Variants in ESRRG observed in about 807,000 individuals in gnomAD.
The protein encoded by ESRRG is estrogen-related receptor gamma.
Under a neutral mutation model 44.0 loss-of-function variants are expected in ESRRG, and 13 were observed. The ratio of observed to expected loss-of-function variants is 0.30; its 90% CI spans 0.19 to 0.47. The LOEUF (loss-of-function observed/expected upper bound fraction) is 0.47. Ranked by LOEUF, ESRRG falls within the 20% of genes least tolerant of loss-of-function variation. ESRRG has a pLI of 1.00. For synonymous variants in ESRRG, 215 were observed against 214.6 expected, an observed-to-expected ratio of 1.00 and a Z score of -0.02; for missense variants, 395 against 580.6, an observed-to-expected ratio of 0.68 and a Z score of 3.29.
chr1:216,790,052 T>C (rs1474777822), intron 2 of ESRRG, among the ~76,000 whole-genome samples: 1 of 152,148 alleles, frequency 6.6e-6, no homozygotes, highest in Non-Finnish European at 1.5e-5. Context: ...TCTGCCCCTT[T>C]CCTTGGTTAG....
At chr1:216,772,178 T>C (rs541679330) in intron 2 of ESRRG, among the ~76,000 whole-genome samples, 157 of 152,232 alleles carry the variant, frequency 1.0e-3, no homozygotes, top group African/African-American at 3.7e-3. Context: ...CATTCAGATC[T>C]AACAAAACCA....
intron 3 of ESRRG, among the ~76,000 whole-genome samples, chr1:216,619,598 G>A (rs959110629): frequency 3.9e-5 from 6 of 152,096 alleles, no homozygotes; most frequent in Non-Finnish European, 5.9e-5. Flanking sequence ...ATATTGTTAT[G>A]TTCTGAAATA....
chr1:216,720,853 C>T (rs1243893678), intron 1 of ESRRG, among the ~76,000 whole-genome samples: 2 of 152,280 alleles, frequency 1.3e-5, no homozygotes, highest in East Asian at 1.9e-4. Flanking sequence ...GTTCCCTCCT[C>T]GCCTTGTCTG....
At chr1:216,952,753 C>T (rs920894648) in intron 1 of ESRRG, among the ~76,000 whole-genome samples, 1 of 152,096 alleles carries the variant, frequency 6.6e-6, no homozygotes, top group African/African-American at 2.4e-5. Context: ...CTTCCAGAAA[C>T]AGCTCCTATT....
intron 1 of ESRRG, among the ~76,000 whole-genome samples, chr1:216,957,057 A>C (rs1285248583): frequency 6.6e-6 from 1 of 152,340 alleles, no homozygotes; most frequent in Middle Eastern, 3.4e-3. Context: ...GATTCCAAAG[A>C]ATTTAAATGT....
At chr1:216,983,224 G>T (rs779947674) in intron 1 of ESRRG, among the ~76,000 whole-genome samples, 5 of 151,274 alleles carry the variant, frequency 3.3e-5, no homozygotes, top group Non-Finnish European at 5.9e-5. Flanking sequence ...CCAAGACAGT[G>T]GTATTGATTT....
chr1:216,592,494 G>T (rs1288991522), intron 3 of ESRRG, among the ~76,000 whole-genome samples: 1 of 151,670 alleles, frequency 6.6e-6, no homozygotes, highest in East Asian at 1.9e-4. Flanking sequence ...AGATGGTGCT[G>T]TCATCTATCT....
chr1:216,992,320 T>G (rs2075832963), intron 1 of ESRRG, among the ~76,000 whole-genome samples: 3 of 152,234 alleles, frequency 2.0e-5, no homozygotes, highest in Admixed American at 2.0e-4. Context: ...AACATCAAAG[T>G]TAACACTCAA....
At chr1:216,676,119 C>T (rs1439061789) in intron 2 of ESRRG, among the ~76,000 whole-genome samples, 1 of 152,094 alleles carries the variant, frequency 6.6e-6, no homozygotes, top group Non-Finnish European at 1.5e-5. Flanking sequence ...TTTTTTTCTT[C>T]CCCTATTTTC....
chr1:216,566,838 A>C (rs2059766829), intron 4 of ESRRG, among the ~76,000 whole-genome samples: 1 of 152,210 alleles, frequency 6.6e-6, no homozygotes, highest in Non-Finnish European at 1.5e-5. Context: ...GGAAAGGCAA[A>C]AGGAAACTAT....
At chr1:216,617,201 G>A (rs1266950129) in intron 3 of ESRRG, among the ~76,000 whole-genome samples, 3 of 152,082 alleles carry the variant, frequency 2.0e-5, no homozygotes, top group Non-Finnish European at 4.4e-5. Context: ...AACTTCTCAA[G>A]CAACAGAACA....
At chr1:216,783,816 C>G (rs1282471219) in intron 2 of ESRRG, among the ~76,000 whole-genome samples, 1 of 152,046 alleles carries the variant, frequency 6.6e-6, no homozygotes, top group Admixed American at 6.6e-5. Flanking sequence ...ACTCTTCCGA[C>G]GTTTTCAAGG....
intron 5 of ESRRG, among the ~76,000 whole-genome samples, chr1:216,561,229 G>A (rs17611844): frequency 0.031 from 4,662 of 151,996 alleles, 98 homozygotes; most frequent in Middle Eastern, 0.055. Context: ...AAGTACATTC[G>A]AAGCAGCACA....
chr1:217,048,804 T>C (rs1205466291), intron 1 of ESRRG, among the ~76,000 whole-genome samples: 2 of 152,214 alleles, frequency 1.3e-5, no homozygotes, highest in East Asian at 1.9e-4. Flanking sequence ...TGTCTGAGCA[T>C]AGTGTGAGTA....
intron 3 of ESRRG, among the ~76,000 whole-genome samples, chr1:216,622,700 C>T (rs1445417172): frequency 6.6e-6 from 1 of 151,970 alleles, no homozygotes; most frequent in Non-Finnish European, 1.5e-5. Context: ...CAGTGTTCTG[C>T]TTCTTGTAAA....
rs1034208370 is a variant in ESRRG at position 216,855,770 on chromosome 1, C to T, written c.-14+83812G>A. ...GATAAATGCAGCTGCAAAGATCCTG[C>T]GGCTGCCGCATCTGCACGACACGCC... On this transcript the variant is annotated intron_variant, in intron 2 of 7. Transcript: ENST00000359162. Among the ~76,000 whole-genome samples, 9 of 152,252 alleles carry T rather than the reference C, an allele frequency of 5.9e-5. No homozygotes were observed. The East Asian group carries it at 1.5e-3, about 26-fold the overall frequency.
At chr1:216,973,689 G>A (rs984464128) in intron 1 of ESRRG, among the ~76,000 whole-genome samples, 1 of 152,048 alleles carries the variant, frequency 6.6e-6, no homozygotes, top group Non-Finnish European at 1.5e-5. Flanking sequence ...AGCTGGGTGT[G>A]GCGGTACATG....
chr1:216,898,351 CTCACGCCTGTAA>C (rs1283194743), intron 2 of ESRRG, among the ~76,000 whole-genome samples: 1 of 152,168 alleles, frequency 6.6e-6, no homozygotes, highest in Non-Finnish European at 1.5e-5. Flanking sequence ...GGCACGGTGG[CTCACGCCTGTAA>C]TCCCAGCACT....
intron 2 of ESRRG, among the ~76,000 whole-genome samples, chr1:216,748,936 T>C (rs2091720486): frequency 6.6e-6 from 1 of 152,220 alleles, no homozygotes; most frequent in East Asian, 1.9e-4. Flanking sequence ...TCTATGCTTA[T>C]GGGGTGGCAA....
Sources: allele counts gnomAD v4.1 joint callset (sites outside exome capture counted in the v4.1 genomes callset), GRCh38; gene constraint gnomAD v4.1.1; transcripts MANE v1.5; gene names NCBI Gene and HGNC (gene_info 2026-07-23, HGNC 2026-07-21).